The following HBP1 variants were observed in gnomAD, a reference collection of about 807,000 sequenced individuals.
HBP1 encodes HMG box-containing protein 1.
Under a neutral mutation model 62.6 loss-of-function variants are expected in HBP1, and 20 were observed. That is an observed-to-expected ratio of 0.32 (90% CI 0.22 to 0.46). The LOEUF (loss-of-function observed/expected upper bound fraction) is 0.46, where lower values mean the gene tolerates loss of function less well. Among genes scored for constraint, HBP1 ranks in the 20% least tolerant of loss-of-function variants. The pLI is 1.00. For missense variants in HBP1, 480 were observed against 611.8 expected (o/e 0.78, Z 2.27); for synonymous variants, 232 against 206.2 (o/e 1.12, Z -1.07).
intron 1 of HBP1, chr7:107,174,895 T>C (rs957726441): frequency 2.8e-5 from 5 of 176,108 alleles, no homozygotes; most frequent in Non-Finnish European, 5.6e-5. Context: ...GAAATACTTC[T>C]ATGGAAAGAG....
At chr7:107,169,852 G>A (rs1042726808) in intron 1 of HBP1, 6 of 985,378 alleles carry the variant, frequency 6.1e-6, no homozygotes, top group Non-Finnish European at 7.2e-6. Context: ...AAAGAGGGTG[G>A]GGGATGGACT....
chr7:107,186,733 G>T (rs1208771746), intron 6 of HBP1, 52 bp downstream of exon 6: 1 of 992,412 alleles, frequency 1.0e-6, no homozygotes, highest in African/African-American at 1.6e-5. Flanking sequence ...AATGAAACAA[G>T]ATTTATTGTT....
intron 1 of HBP1, among the ~76,000 whole-genome samples, chr7:107,173,216 C>CA (rs1796685793): frequency 6.6e-6 from 1 of 152,192 alleles, no homozygotes; most frequent in Non-Finnish European, 1.5e-5. Flanking sequence ...TAAAATACCT[C>CA]AGTTTCAGAG....
rs949924597 is a variant in HBP1 at position 107,169,121 on chromosome 7, G to C, written c.-80G>C. The C allele has an allele frequency of 7.9e-7, 1 of 1,267,626 alleles. No homozygotes were observed. The highest frequency in any genetic ancestry group is 2.4e-5 in the Admixed American group (1 of 41,602). The allele number at this position is 1,267,626 out of a possible 1,614,324, so 78.5% of individuals were successfully genotyped here. A position where few individuals can be genotyped will look rare whatever the true frequency, so the allele number is the denominator to read the frequency against. ...GACGTCGGTCGGAGAGGGGGTACGA[G>C]AGCTGCTGGTGGTGTTGTCGTGGCC... On this transcript the variant is annotated 5_prime_UTR_variant, in exon 1 of 11. Coordinates refer to ENST00000222574, the MANE Select transcript of HBP1 (RefSeq NM_012257.4).
chr7:107,171,073 A>ATATATATATATATATATTTT, intron 1 of HBP1, among the ~76,000 whole-genome samples: 1 of 87,194 alleles, frequency 1.1e-5, no homozygotes, highest in Non-Finnish European at 1.9e-5. Flanking sequence ...ATATATATAT[A>ATATATATATATATATATTTT]TTTTTTTTTT....
intron 2 of HBP1, among the ~76,000 whole-genome samples, chr7:107,180,849 G>A (rs1797070761): frequency 6.6e-6 from 1 of 152,182 alleles, no homozygotes; most frequent in African/African-American, 2.4e-5. Flanking sequence ...TGAGCAAGGA[G>A]TGCCATTTTA....
At chr7:107,197,556 C>T (rs141005454) in intron 9 of HBP1, among the ~76,000 whole-genome samples, 2 of 152,070 alleles carry the variant, frequency 1.3e-5, no homozygotes, top group African/African-American at 2.4e-5. Flanking sequence ...ATTTAGTAGA[C>T]ATGGGGTTTC....
rs1562881800 is a variant in HBP1 at position 107,171,044 on chromosome 7, T to TATATATA, written c.-16+1860_-16+1861insTATATAA. ...ATAAAATATATAACATATACATGTA[T>TATATATA]AAATATATATATATATATATATATA... is the stretch of plus-strand genomic sequence containing the variant. On this transcript the variant is annotated intron_variant, in intron 1 of 10. Coordinates refer to ENST00000222574, the MANE Select transcript of HBP1 (RefSeq NM_012257.4). 5.0e-4 allele frequency among the ~76,000 whole-genome samples: 50 copies of TATATATA among 100,744 alleles called. 1 individual carries two copies. The highest frequency in any genetic ancestry group is 1.1e-3 in the African/African-American group (23 of 20,048). The allele number at this position is 100,744 out of a possible 152,430, so 66.1% of individuals were successfully genotyped here. A position where few individuals can be genotyped will look rare whatever the true frequency, so the allele number is the denominator to read the frequency against.
rs565028746 is a variant in HBP1, at chr7:107,185,941, G to T, written c.539G>T (p.Arg180Met). 8 of 1,610,332 alleles carry T rather than the reference G, an allele frequency of 5.0e-6. No homozygotes were observed. Among genetic ancestry groups the T allele is most frequent in the Non-Finnish European group, 5.9e-6 (7 of 1,176,844 alleles). ...GAGGAAACACCAGTAAGACACGAAAGGGTAAGTTTATTTATGAGGTTAAAC... is the reference window on the plus strand; with the variant it reads ...GAGGAAACACCAGTAAGACACGAAATGGTAAGTTTATTTATGAGGTTAAAC... The part of the protein sequence containing the change: ...WKEETPVRHE[R>M]ANSESESGIF... Residue 180 changes from arginine (R) to methionine (M), a missense_variant and splice_region_variant, in exon 4 of 11, where the codon AGG becomes ATG. Physicochemically the swap from Arg to Met is moderately conservative, Grantham distance 91. Around this residue, in one of 4 missense-constraint regions of HBP1, gnomAD observed 304 missense variants for 330.9 expected, o/e 0.92. Transcript: ENST00000222574.
At chr7:107,176,624 A>G (rs1796862910) in intron 1 of HBP1, among the ~76,000 whole-genome samples, 1 of 152,038 alleles carries the variant, frequency 6.6e-6, no homozygotes, top group Non-Finnish European at 1.5e-5. Context: ...TGGGGCCTGG[A>G]CAACATTTTT....
intron 8 of HBP1, among the ~76,000 whole-genome samples, chr7:107,195,105 T>C (rs954994126): frequency 3.3e-5 from 5 of 152,214 alleles, no homozygotes; most frequent in African/African-American, 9.6e-5. Context: ...AGTGCTGTGA[T>C]CTGCCTCCCT....
At chr7:107,169,218 G>A (rs1284070024) in intron 1 of HBP1, 33 bp downstream of exon 1, 2 of 875,786 alleles carry the variant, frequency 2.3e-6, no homozygotes, top group Non-Finnish European at 3.0e-6. Context: ...AAGAGGTGGG[G>A]GTGGGGAAGG....
chr7:107,170,929 G>T (rs11762152), intron 1 of HBP1, among the ~76,000 whole-genome samples: 3 of 142,680 alleles, frequency 2.1e-5, no homozygotes, highest in Non-Finnish European at 4.5e-5. Flanking sequence ...ATATGTATAT[G>T]TATAAAATAT....
intron 6 of HBP1, 25 bp downstream of exon 6, chr7:107,186,706 T>G: frequency 7.0e-7 from 1 of 1,420,192 alleles, no homozygotes; most frequent in East Asian, 2.3e-5. Flanking sequence ...CTTAAAAAAT[T>G]TTTCAAAATC....
rs1796788631 is a variant in HBP1, at chr7:107,175,410, G to A, written c.-15-4469G>A. Among the ~76,000 whole-genome samples the A allele has an allele frequency of 2.6e-5, 4 of 152,126 alleles. 1 individual carries two copies. In the South Asian group the frequency reaches 8.3e-4, roughly 32 times the overall value. ...ATGAAGATTTTAAGTAAATTATTTA[G>A]GGTACATAGCTAGTAAGTGGCAAAT... On this transcript the variant is annotated intron_variant, in intron 1 of 10. Coordinates refer to ENST00000222574, the MANE Select transcript of HBP1 (RefSeq NM_012257.4).
chr7:107,173,447 T>G (rs1019799956), intron 1 of HBP1: 3 of 152,156 alleles, frequency 2.0e-5, no homozygotes, highest in African/African-American at 7.2e-5. Context: ...TTGTCTTTTT[T>G]CCCTCTCAGC....
intron 9 of HBP1, chr7:107,196,597 G>A: frequency 7.9e-6 from 2 of 253,784 alleles, no homozygotes; most frequent in Non-Finnish European, 1.6e-5. Flanking sequence ...AAGTTTAAGT[G>A]GAATTTTTAG....
At position 107,185,803 on chromosome 7, in the gene HBP1, C is replaced by T; in HGVS notation, c.401C>T (p.Ser134Leu). Residue 134 changes from serine to leucine, a missense_variant and splice_region_variant, in exon 4 of 11, where the codon TCA becomes TTA. Ser to Leu is a moderately radical substitution (Grantham distance 145). Transcript: ENST00000222574. ...TTGAAACTGTTGCTTTATTTTAGAT[C>T]ATCTCCTGTACACATCATAGCCACT... The part of the protein sequence containing the change: ...PLMQCSFYNR[S>L]SPVHIIATSK... 6.2e-7 allele frequency: 1 copy of T among 1,610,536 alleles called. No homozygotes were observed. The highest frequency in any genetic ancestry group is 8.5e-7 in the Non-Finnish European group (1 of 1,177,322).
intron 1 of HBP1, 98 bp from the exon 2 acceptor site, chr7:107,179,781 A>T: frequency 2.6e-6 from 2 of 764,868 alleles, no homozygotes; most frequent in Non-Finnish European, 2.1e-6. Flanking sequence ...CAAAAAAAAA[A>T]CAAAACAACA....
Sources: gnomAD v4.1 joint callset for allele counts (sites outside exome capture counted in the v4.1 genomes callset) on GRCh38, gnomAD v4.1.1 for gene constraint, gnomAD v4.1.1 regional missense constraint, MANE v1.5 for transcripts, NCBI Gene and HGNC (gene_info 2026-07-23, HGNC 2026-07-21) for gene names.